Variants in FSTL5 observed in about 807,000 individuals in gnomAD.
FSTL5 encodes the protein follistatin like 5.
FSTL5 carries 62 observed loss-of-function variants against 89.1 expected under a neutral mutation model. That is an observed-to-expected ratio of 0.70 (90% CI 0.57 to 0.86). The LOEUF (loss-of-function observed/expected upper bound fraction) is 0.86, where lower values mean the gene tolerates loss of function less well. Ranked by LOEUF, FSTL5 falls within the 40% of genes least tolerant of loss-of-function variation. The pLI, the probability that FSTL5 is intolerant of heterozygous loss-of-function variation, is 0.00. For synonymous variants in FSTL5, 383 were observed against 346.2 expected (o/e 1.11, Z -1.18); for missense variants, 1,057 against 1,001.6 (o/e 1.06, Z -0.75).
intron 1 of FSTL5, among the ~76,000 whole-genome samples, chr4:162,152,420 A>G (rs1195791688): frequency 6.6e-6 from 1 of 152,196 alleles, no homozygotes; most frequent in Non-Finnish European, 1.5e-5. Flanking sequence ...ATTCTGCCAA[A>G]GGATTGAGAT....
At chr4:161,716,414 T>A (rs1738984568) in intron 6 of FSTL5, among the ~76,000 whole-genome samples, 1 of 152,048 alleles carries the variant, frequency 6.6e-6, no homozygotes, top group Non-Finnish European at 1.5e-5. Flanking sequence ...CTGGCCAACA[T>A]GGCAAAACCC....
intron 3 of FSTL5, among the ~76,000 whole-genome samples, chr4:161,935,306 A>G (rs943037787): frequency 6.6e-6 from 1 of 152,078 alleles, no homozygotes; most frequent in African/African-American, 2.4e-5. Flanking sequence ...TTTATTACCA[A>G]CTTATTCTCT....
intron 1 of FSTL5, among the ~76,000 whole-genome samples, chr4:162,129,376 A>C (rs1732208863): frequency 6.6e-6 from 1 of 152,248 alleles, no homozygotes; most frequent in Non-Finnish European, 1.5e-5. Context: ...TCTCCCAGAA[A>C]ACTCATCTGG....
chr4:161,588,455 C>A (rs1332829744), intron 7 of FSTL5, among the ~76,000 whole-genome samples: 1 of 151,768 alleles, frequency 6.6e-6, no homozygotes, highest in Non-Finnish European at 1.5e-5. Context: ...CATACCACTT[C>A]AAAATAGTGG....
chr4:161,582,601 A>G (rs1733473080), intron 8 of FSTL5, among the ~76,000 whole-genome samples: 1 of 152,190 alleles, frequency 6.6e-6, no homozygotes, highest in South Asian at 2.1e-4. Flanking sequence ...GACAGTACCA[A>G]TTTTAGGGCT....
intron 4 of FSTL5, among the ~76,000 whole-genome samples, chr4:161,826,125 T>A (rs921779016): frequency 4.6e-5 from 7 of 152,324 alleles, no homozygotes; most frequent in Middle Eastern, 3.4e-3. Context: ...TCATCTTGAT[T>A]TCATTATTGA....
At chr4:161,708,659 C>T (rs975772302) in intron 6 of FSTL5, among the ~76,000 whole-genome samples, 2 of 151,964 alleles carry the variant, frequency 1.3e-5, no homozygotes, top group Non-Finnish European at 2.9e-5. Flanking sequence ...ATCTTTCCCT[C>T]CTTTCCATGA....
At chr4:161,844,992 A>G (rs1458678458) in intron 4 of FSTL5, among the ~76,000 whole-genome samples, 3 of 152,118 alleles carry the variant, frequency 2.0e-5, no homozygotes, top group Non-Finnish European at 4.4e-5. Flanking sequence ...GAGTAAAAAA[A>G]GTTAGGTGAT....
At chr4:161,416,090 G>C (rs1364760536) in intron 15 of FSTL5, among the ~76,000 whole-genome samples, 1 of 151,988 alleles carries the variant, frequency 6.6e-6, no homozygotes, top group African/African-American at 2.4e-5. Context: ...AGATGGAATG[G>C]CAAGTGTTTT....
intron 15 of FSTL5, among the ~76,000 whole-genome samples, chr4:161,398,616 T>A (rs760134702): frequency 5.3e-5 from 8 of 152,118 alleles, no homozygotes; most frequent in Non-Finnish European, 1.2e-4. Flanking sequence ...TCAACTTCAT[T>A]ATGTTTTAAC....
At chr4:161,532,197 C>T (rs1260560003) in intron 10 of FSTL5, among the ~76,000 whole-genome samples, 2 of 146,966 alleles carry the variant, frequency 1.4e-5, no homozygotes, top group Non-Finnish European at 3.0e-5. Context: ...AAGACTCCAT[C>T]TCCAAAAAAA....
intron 15 of FSTL5, among the ~76,000 whole-genome samples, chr4:161,438,739 TATG>T (rs571577336): frequency 1.2e-4 from 19 of 152,294 alleles, no homozygotes; most frequent in South Asian, 4.1e-4. Flanking sequence ...ATGAAGTAAC[TATG>T]ATATTGCAAA....
chr4:161,448,222 G>A (rs1733020015), intron 15 of FSTL5, among the ~76,000 whole-genome samples: 1 of 152,090 alleles, frequency 6.6e-6, no homozygotes, highest in Non-Finnish European at 1.5e-5. Flanking sequence ...TGTGACTTTT[G>A]TGAGATTTTC....
chr4:161,461,232 G>A (rs1236103689), intron 13 of FSTL5, among the ~76,000 whole-genome samples: 4 of 149,994 alleles, frequency 2.7e-5, no homozygotes, highest in Admixed American at 2.0e-4. Flanking sequence ...TGAGGCAGGC[G>A]GATCAGGAGG....
intron 3 of FSTL5, among the ~76,000 whole-genome samples, chr4:161,947,876 T>C (rs1442960669): frequency 1.3e-5 from 2 of 152,254 alleles, no homozygotes; most frequent in East Asian, 3.9e-4. Flanking sequence ...TTTCTATTTA[T>C]TTAGGCTTTC....
At chr4:161,859,359 AG>A (rs1731827155) in intron 4 of FSTL5, among the ~76,000 whole-genome samples, 1 of 152,190 alleles carries the variant, frequency 6.6e-6, no homozygotes, top group African/African-American at 2.4e-5. Flanking sequence ...GGTTAGCTTT[AG>A]AAAACCACAT....
chr4:162,104,960 C>T (rs1430727213), intron 2 of FSTL5, among the ~76,000 whole-genome samples: 11 of 152,114 alleles, frequency 7.2e-5, no homozygotes, highest in Non-Finnish European at 1.5e-4. Context: ...ATACAGAGTT[C>T]CTTTCAGGCA....
chr4:161,476,908 C>G (rs1356850184), intron 13 of FSTL5, among the ~76,000 whole-genome samples: 1 of 152,112 alleles, frequency 6.6e-6, no homozygotes, highest in African/African-American at 2.4e-5. Context: ...ATCATTTTTG[C>G]TTACCCTGGC....
chr4:161,549,039 C>A (rs966908515), intron 8 of FSTL5, among the ~76,000 whole-genome samples: 7 of 151,676 alleles, frequency 4.6e-5, no homozygotes, highest in African/African-American at 1.7e-4. Flanking sequence ...CCTTTCCATA[C>A]TTAATATTGA....
Sources: gnomAD v4.1 joint callset for allele counts (sites outside exome capture counted in the v4.1 genomes callset) on GRCh38, gnomAD v4.1.1 for gene constraint, MANE v1.5 for transcripts, NCBI Gene and HGNC (gene_info 2026-07-23, HGNC 2026-07-21) for gene names.